Variants in TRAFD1 observed in about 807,000 individuals in gnomAD.
The protein encoded by TRAFD1 is TRAF-type zinc finger domain-containing protein 1.
In TRAFD1, 38 loss-of-function variants were observed where a neutral mutation model predicts 65.3. That is an observed-to-expected ratio of 0.58 (90% CI 0.45 to 0.76). The LOEUF (loss-of-function observed/expected upper bound fraction) is 0.76, where lower values mean the gene tolerates loss of function less well. TRAFD1 is among the 30% of genes least tolerant of loss of function. The pLI, the probability that TRAFD1 is intolerant of heterozygous loss-of-function variation, is 0.00. For synonymous variants in TRAFD1, 223 were observed against 257.2 expected, an observed-to-expected ratio of 0.87 and a Z score of 1.27; for missense variants, 631 against 712.6, an observed-to-expected ratio of 0.89 and a Z score of 1.30.
Position 112,135,045 on chromosome 12 carries a change from G to T in TRAFD1, c.216G>T (p.Lys72Asn), listed in dbSNP as rs2079590258. ...VTCKCNKKLE[K>N]RLLKKHEETE... is the part of the protein sequence containing the mutation. ...GCAAATGTAACAAGAAGTTGGAGAA[G>T]AGGCTGTTAAAGAAGCATGAGGTTA... Residue 72 changes from lysine to asparagine, a missense_variant, in exon 4 of 12, where the codon AAG becomes AAT. Transcript: ENST00000412615. 6 of 1,614,238 alleles carry T rather than the reference G, an allele frequency of 3.7e-6. No homozygotes were observed. The highest frequency in any genetic ancestry group is 4.2e-6 in the Non-Finnish European group (5 of 1,180,036).
In TRAFD1 at chr12:112,152,070, C is replaced by T. The variant is rs2030425849; in HGVS notation, c.1549C>T (p.Pro517Ser). ...APGHVSVIRP[P>S]QNLYPENIVP... The stretch of plus-strand genomic sequence containing the variant: ...TGGGCACGTTTCAGTGATTCGCCCT[C>T]CTCAAAATCTCTACCCAGAAAACAT... The change falls in exon 10 of 12, where the codon CCT (proline) becomes TCT (serine). Residue 517 changes from proline to serine, a missense_variant. Coordinates refer to ENST00000412615, the MANE Select transcript of TRAFD1 (RefSeq NM_006700.3). The surrounding 1 kb of genome is among the most constrained non-coding windows in gnomAD (Gnocchi z 5.0). 6.2e-7 allele frequency: 1 copy of T among 1,614,200 alleles called. No homozygotes were observed. The highest frequency in any genetic ancestry group is 8.5e-7 in the Non-Finnish European group (1 of 1,180,012).
chr12:112,132,844 GTTC>G (rs1262176576), intron 2 of TRAFD1, among the ~76,000 whole-genome samples: 1 of 152,200 alleles, frequency 6.6e-6, no homozygotes, highest in Non-Finnish European at 1.5e-5. Context: ...ATGGGAGACA[GTTC>G]TTCTAGTATT....
rs149093216 is a variant in TRAFD1, at chr12:112,141,537, GCATCTCA to G, written c.643+314_643+320del. 983 of 267,730 alleles carry G rather than the reference GCATCTCA, an allele frequency of 3.7e-3. 11 individuals are homozygous for G. The highest frequency in any genetic ancestry group is 0.02 in the African/African-American group (910 of 45,254). The allele number at this position is 267,730 out of a possible 1,614,324, so 16.6% of individuals were successfully genotyped here. On this transcript the variant is annotated intron_variant, in intron 5 of 11. Coordinates refer to ENST00000412615, the MANE Select transcript of TRAFD1 (RefSeq NM_006700.3). ...TATTTGCATTATATATACTGGATGA[GCATCTCA>G]AATCTGAGAATCTGAAATCCAAAAT... is the stretch of plus-strand genomic sequence containing the variant.
chr12:112,152,990 G>A lies in TRAFD1; in HGVS notation c.*199G>A, dbSNP rs927495333. On this transcript the variant is annotated 3_prime_UTR_variant, in exon 12 of 12. Transcript: ENST00000412615. This position sits in a 1 kb window ranked among gnomAD's most constrained non-coding sequence, Gnocchi z 5.0. ...GAGGGAAGGGAGCAGGGTGGCGGTT[G>A]AGGAACGCTTCAGCCTTAGCTGCTA... 1 of 574,890 alleles carries A rather than the reference G, an allele frequency of 1.7e-6. No homozygotes were observed. The highest frequency in any genetic ancestry group is 3.0e-6 in the Non-Finnish European group (1 of 330,984). 35.6% of individuals were successfully genotyped at this position (574,890 alleles called of 1,614,324 possible).
chr12:112,141,567 A>G (rs1260389233), intron 5 of TRAFD1: 1 of 244,698 alleles, frequency 4.1e-6, no homozygotes, highest in Non-Finnish European at 7.9e-6. Flanking sequence ...TGAAATCCAA[A>G]ATGTTCCAGT....
In TRAFD1 at chr12:112,151,783, AC is replaced by A. The variant is rs781709124; in HGVS notation, c.1280-16del. 83 of 1,602,254 alleles carry A rather than the reference AC, an allele frequency of 5.2e-5. No homozygotes were observed. Among genetic ancestry groups the A allele is most frequent in the Non-Finnish European group, 6.7e-5 (79 of 1,172,128 alleles). On this transcript the variant is annotated splice_polypyrimidine_tract_variant and intron_variant, in intron 9 of 11. Transcript: ENST00000412615. ...GAGCAGGCTTTTTCCTAAAGCTGTTACCATTTTCTCTTCTCAGGAGACCTGT... is the reference window on the plus strand; with the variant it reads ...GAGCAGGCTTTTTCCTAAAGCTGTTACATTTTCTCTTCTCAGGAGACCTGT...
chr12:112,143,097 T>C (rs2030135885), intron 6 of TRAFD1, among the ~76,000 whole-genome samples: 1 of 148,786 alleles, frequency 6.7e-6, no homozygotes, highest in Non-Finnish European at 1.5e-5. Flanking sequence ...TTTTTTTTTT[T>C]GAGACAGAGT....
intron 8 of TRAFD1, among the ~76,000 whole-genome samples, chr12:112,148,820 A>T (rs1038674838): frequency 6.6e-6 from 1 of 152,222 alleles, no homozygotes; most frequent in African/African-American, 2.4e-5. Context: ...CCAATCGTAT[A>T]TGTTACAGGG....
rs200675909 is a variant in TRAFD1 at position 112,137,230 on chromosome 12, CA to C, written c.237+2173del. On this transcript the variant is annotated intron_variant, in intron 4 of 11. Transcript: ENST00000412615. The surrounding 1 kb of genome is among the most constrained non-coding windows in gnomAD (Gnocchi z 4.2). Reference sequence around the variant, plus strand: ...AGGGTGAGACTCCATCTAAAACAAACAAAAAAAAACTGGCTCACCTTGTTTT... The same window carrying C: ...AGGGTGAGACTCCATCTAAAACAAACAAAAAAAACTGGCTCACCTTGTTTT... 1.3e-5 allele frequency among the ~76,000 whole-genome samples: 2 copies of C among 150,780 alleles called. No individual in the cohort carries two copies. The highest frequency in any genetic ancestry group is 3.0e-5 in the Non-Finnish European group (2 of 67,602).
Position 112,152,149 on chromosome 12 carries a change from CAGT to C in TRAFD1, c.1619+12_1619+14del. 6.2e-7 allele frequency: 1 copy of C among 1,604,322 alleles called. No homozygotes were observed. The highest frequency in any genetic ancestry group is 8.5e-7 in the Non-Finnish European group (1 of 1,174,140). ...GGGAGATACGGAGCTAGGTAAGAATCAGTAGCCCAGGAATGGGGCTTGGGAGTA... is the reference window on the plus strand; with the variant it reads ...GGGAGATACGGAGCTAGGTAAGAATCAGCCCAGGAATGGGGCTTGGGAGTA... On this transcript the variant is annotated intron_variant, in intron 10 of 11. Transcript: ENST00000412615. The surrounding 1 kb of genome is among the most constrained non-coding windows in gnomAD (Gnocchi z 5.0).
chr12:112,152,292 CA>C lies in TRAFD1; in HGVS notation c.1620-128del. 7.7e-6 allele frequency: 11 copies of C among 1,435,570 alleles called. No homozygotes were observed. The highest frequency in any genetic ancestry group is 1.3e-5 in the South Asian group (1 of 78,094). 88.9% of individuals were successfully genotyped at this position (1,435,570 alleles called of 1,614,324 possible). Reference sequence around the variant, plus strand: ...TTTTCCCTGTATTGTCACCTGACTCCAAAAAAATTATTTTGTGGCCTATGGG... The same window carrying C: ...TTTTCCCTGTATTGTCACCTGACTCCAAAAAATTATTTTGTGGCCTATGGG... On this transcript the variant is annotated intron_variant, in intron 10 of 11. Transcript: ENST00000412615. The surrounding 1 kb of genome is among the most constrained non-coding windows in gnomAD (Gnocchi z 5.0).
Position 112,148,211 on chromosome 12 carries a change from C to A in TRAFD1, c.1065C>A (p.Gly355=). ...GTAACCAGTTAGACTCTTTGATGGG[C>A]CTGAGCAATTCACACCCTGTGGAGG... is the stretch of plus-strand genomic sequence containing the variant. The part of the protein sequence containing the change: ...AASNQLDSLM[G]LSNSHPVEES... The change falls in exon 8 of 12, where the codon GGC becomes GGA. Residue 355 remains glycine, a synonymous_variant. Transcript: ENST00000412615. 6.2e-7 allele frequency: 1 copy of A among 1,614,130 alleles called. No individual in the cohort carries two copies. The highest frequency in any genetic ancestry group is 8.5e-7 in the Non-Finnish European group (1 of 1,180,028).
chr12:112,152,271 C>T lies in TRAFD1; in HGVS notation c.1619+131C>T. 4 of 1,409,568 alleles carry T rather than the reference C, an allele frequency of 2.8e-6. No homozygotes were observed. Among genetic ancestry groups the T allele is most frequent in the Non-Finnish European group, 2.9e-6 (3 of 1,034,398 alleles). 87.3% of individuals were successfully genotyped at this position (1,409,568 alleles called of 1,614,324 possible). Reference sequence around the variant, plus strand: ...TGGTAAGGGGAGGAGTATGGATTTTCCCTGTATTGTCACCTGACTCCAAAA... The same window carrying T: ...TGGTAAGGGGAGGAGTATGGATTTTTCCTGTATTGTCACCTGACTCCAAAA... On this transcript the variant is annotated intron_variant, in intron 10 of 11. Coordinates refer to ENST00000412615, the MANE Select transcript of TRAFD1 (RefSeq NM_006700.3). The surrounding 1 kb of genome is among the most constrained non-coding windows in gnomAD (Gnocchi z 5.0).
At chr12:112,139,507 T>G (rs1046971738) in intron 4 of TRAFD1, among the ~76,000 whole-genome samples, 2 of 151,038 alleles carry the variant, frequency 1.3e-5, no homozygotes, top group South Asian at 2.1e-4. Flanking sequence ...CACTGCAACC[T>G]CCACCTCCCG....
chr12:112,130,391 G>T lies in TRAFD1; in HGVS notation c.-12-120G>T. Reference sequence around the variant, plus strand: ...CAAGGGACTGGATATTGAATAAAATGCTTTAACATGCAGGTTTGGGTGACA... The same window carrying T: ...CAAGGGACTGGATATTGAATAAAATTCTTTAACATGCAGGTTTGGGTGACA... On this transcript the variant is annotated intron_variant, in intron 1 of 11. Coordinates refer to ENST00000412615, the MANE Select transcript of TRAFD1 (RefSeq NM_006700.3). The surrounding 1 kb of genome is among the most constrained non-coding windows in gnomAD (Gnocchi z 4.4). The T allele has an allele frequency of 1.6e-6, 1 of 619,282 alleles. No homozygotes were observed. The highest frequency in any genetic ancestry group is 2.8e-6 in the Non-Finnish European group (1 of 356,776). 38.4% of individuals were successfully genotyped at this position (619,282 alleles called of 1,614,324 possible).
chr12:112,145,570 G>A lies in TRAFD1; in HGVS notation c.851-16G>A, dbSNP rs867973700. 3.7e-6 allele frequency: 6 copies of A among 1,613,898 alleles called. No homozygotes were observed. In the Middle Eastern group the frequency reaches 9.9e-4, roughly 266 times the overall value. On this transcript the variant is annotated splice_polypyrimidine_tract_variant and intron_variant, in intron 6 of 11. Coordinates refer to ENST00000412615, the MANE Select transcript of TRAFD1 (RefSeq NM_006700.3). ...TTTTGTTCATCCTGAGTCTCATTGT[G>A]TGGCCTAATACCTAGGTGCAGCTGA... is the stretch of plus-strand genomic sequence containing the variant.
chr12:112,150,324 A>C (rs2030366098), intron 9 of TRAFD1, among the ~76,000 whole-genome samples: 1 of 151,972 alleles, frequency 6.6e-6, no homozygotes, highest in Non-Finnish European at 1.5e-5. Context: ...ATCATAGCTT[A>C]CCACAGCCTC....
At position 112,152,070 on chromosome 12, in the gene TRAFD1, C is replaced by G; in HGVS notation, c.1549C>G (p.Pro517Ala). ...APGHVSVIRP[P>A]QNLYPENIVP... ...TGGGCACGTTTCAGTGATTCGCCCT[C>G]CTCAAAATCTCTACCCAGAAAACAT... The change falls in exon 10 of 12, where the codon CCT becomes GCT. Residue 517 changes from proline (P) to alanine (A), a missense_variant. Pro to Ala is a conservative substitution (Grantham distance 27, BLOSUM62 -1). Coordinates refer to ENST00000412615, the MANE Select transcript of TRAFD1 (RefSeq NM_006700.3). The surrounding 1 kb of genome is among the most constrained non-coding windows in gnomAD (Gnocchi z 5.0). 1.2e-6 allele frequency: 2 copies of G among 1,614,200 alleles called. No individual in the cohort carries two copies. Among genetic ancestry groups the G allele is most frequent in the Non-Finnish European group, 1.7e-6 (2 of 1,180,012 alleles).
rs993486793 is a variant in TRAFD1 at position 112,149,128 on chromosome 12, G to C, written c.1159-623G>C. ...AGCTACTCGGGAGGCTGAGGCATGA[G>C]AATCACTTGAACCTGGGAGGCAGAG... On this transcript the variant is annotated intron_variant, in intron 8 of 11. Transcript: ENST00000412615. 2.6e-5 allele frequency among the ~76,000 whole-genome samples: 4 copies of C among 151,754 alleles called. No individual in the cohort carries two copies. In the East Asian group the frequency reaches 5.8e-4, roughly 22 times the overall value.
Sources: allele counts gnomAD v4.1 joint callset (sites outside exome capture counted in the v4.1 genomes callset), GRCh38; gene constraint gnomAD v4.1.1; non-coding constraint Gnocchi (gnomAD v3.1); transcripts MANE v1.5; gene names NCBI Gene and HGNC (gene_info 2026-07-23, HGNC 2026-07-21).